Variants in FOXP2 observed in about 807,000 individuals in gnomAD.
FOXP2 encodes the protein forkhead box P2, also known as forkhead box protein P2.
A neutral mutation model predicts 115.8 loss-of-function variants in FOXP2; 12 were observed. That is an observed-to-expected ratio of 0.10 (90% CI 0.07 to 0.17). The LOEUF is 0.17. Among genes scored for constraint, FOXP2 ranks in the 10% least tolerant of loss-of-function variants. The pLI is 1.00. For synonymous variants in FOXP2, 328 were observed against 297.7 expected, an observed-to-expected ratio of 1.10 and a Z score of -1.05; for missense variants, 629 against 843.5, an observed-to-expected ratio of 0.75 and a Z score of 3.15.
chr7:114,566,048 G>C (rs977475843), intron 3 of FOXP2, among the ~76,000 whole-genome samples: 7 of 152,098 alleles, frequency 4.6e-5, no homozygotes, highest in African/African-American at 1.7e-4. Flanking sequence ...GTGTTATCCT[G>C]GCACAACCCA....
At chr7:114,518,095 T>C (rs1798432604) in intron 2 of FOXP2, among the ~76,000 whole-genome samples, 1 of 152,184 alleles carries the variant, frequency 6.6e-6, no homozygotes, top group Admixed American at 6.6e-5. Flanking sequence ...TAAACAAATA[T>C]CATTTTAAAT....
chr7:114,308,786 G>T (rs144610105), intron 2 of FOXP2, among the ~76,000 whole-genome samples: 109 of 152,256 alleles, frequency 7.2e-4, no homozygotes, highest in African/African-American at 2.5e-3. Flanking sequence ...CTGAAAATAT[G>T]ACATAGTTAA....
chr7:114,219,744 C>G (rs1794573249), intron 1 of FOXP2, among the ~76,000 whole-genome samples: 1 of 151,996 alleles, frequency 6.6e-6, no homozygotes, highest in Non-Finnish European at 1.5e-5. Context: ...TAATTTTCGC[C>G]TTTAATCCAT....
At chr7:114,525,030 T>G (rs1242550071) in intron 2 of FOXP2, among the ~76,000 whole-genome samples, 1 of 152,202 alleles carries the variant, frequency 6.6e-6, no homozygotes, top group Non-Finnish European at 1.5e-5. Context: ...AAGATACTCT[T>G]TCTATCCAAT....
At chr7:114,506,439 A>C (rs944458553) in intron 2 of FOXP2, among the ~76,000 whole-genome samples, 2 of 151,682 alleles carry the variant, frequency 1.3e-5, no homozygotes, top group Non-Finnish European at 3.0e-5. Context: ...CATGGAAACT[A>C]AGACAGAAAT....
At position 114,221,979 on chromosome 7, in the gene FOXP2, C is replaced by G. The variant is rs563362739; in HGVS notation, c.-102+58891C>G. 2.6e-5 allele frequency among the ~76,000 whole-genome samples: 4 copies of G among 152,150 alleles called. No homozygotes were observed. In the East Asian group the frequency reaches 7.7e-4, roughly 29 times the overall value. On this transcript the variant is annotated intron_variant, in intron 1 of 17. Transcript: ENST00000634411. ...CAAGGATGTAATATTGACTTCTGAG[C>G]CAGGTAGGAAGGTTTATGGAAGAAG...
chr7:114,693,675 C>T lies in FOXP2; in HGVS notation c.*3749C>T, dbSNP rs188138100. On this transcript the variant is annotated 3_prime_UTR_variant, in exon 17 of 17. Coordinates refer to ENST00000350908, the MANE Select transcript of FOXP2 (RefSeq NM_014491.4). ...TTAATGTATGAACAGTGTGTCACTGCTGTTGGATGTAAAAATGTATATGAA... is the reference window on the plus strand; with the variant it reads ...TTAATGTATGAACAGTGTGTCACTGTTGTTGGATGTAAAAATGTATATGAA... 4.4e-5 allele frequency: 17 copies of T among 382,422 alleles called. No homozygotes were observed. The highest frequency in any genetic ancestry group is 3.3e-4 in the South Asian group (17 of 51,178). The allele number at this position is 382,422 out of a possible 1,614,324, so 23.7% of individuals were successfully genotyped here. A position where few individuals can be genotyped will look rare whatever the true frequency, so the allele number is the denominator to read the frequency against.
At chr7:114,098,449 G>A (rs1207645595) in intron 1 of FOXP2, among the ~76,000 whole-genome samples, 1 of 152,158 alleles carries the variant, frequency 6.6e-6, no homozygotes, top group Non-Finnish European at 1.5e-5. Context: ...TTTTGGAAAG[G>A]ACACCAAGAG....
At chr7:114,241,666 A>C (rs1247997674) in intron 1 of FOXP2, among the ~76,000 whole-genome samples, 2 of 151,958 alleles carry the variant, frequency 1.3e-5, no homozygotes, top group Non-Finnish European at 2.9e-5. Context: ...GGATTATGAG[A>C]ATTTTTTATG....
chr7:114,160,690 T>A (rs952768297), upstream of FOXP2, among the ~76,000 whole-genome samples: 1 of 152,112 alleles, frequency 6.6e-6, no homozygotes, highest in Non-Finnish European at 1.5e-5. Context: ...TTTAGCACAT[T>A]ATATACTATA....
Position 114,642,588 on chromosome 7 carries a change from TG to T in FOXP2, c.956del (p.Gly319AspfsTer6), listed in dbSNP as rs1805596075. ...CAATAACTCATCATTCCATAGTGAA[TG>T]GACAGTCTTCAGTTCTAAGTGCAAG... ...PPITHHSIVNGQSSVLSARRD... is the reference protein window; with the variant it reads ...PPITHHSIVNXQSSVLSARRD... On this transcript the variant is annotated frameshift_variant, in exon 7 of 17. Coordinates refer to ENST00000350908, the MANE Select transcript of FOXP2 (RefSeq NM_014491.4). LOFTEE classifies it high-confidence loss of function. 2 of 1,613,704 alleles carry T rather than the reference TG, an allele frequency of 1.2e-6. No individual in the cohort carries two copies. Among genetic ancestry groups the T allele is most frequent in the African/African-American group, 2.7e-5 (2 of 74,802 alleles).
chr7:114,603,766 A>G (rs752803217), intron 3 of FOXP2, among the ~76,000 whole-genome samples: 8 of 152,214 alleles, frequency 5.3e-5, no homozygotes, highest in Non-Finnish European at 1.0e-4. Context: ...AAATTTTACC[A>G]TGGAAAAGTA....
intron 2 of FOXP2, among the ~76,000 whole-genome samples, chr7:114,327,308 A>G (rs564769793): frequency 6.6e-6 from 1 of 152,326 alleles, no homozygotes; most frequent in Admixed American, 6.5e-5. Context: ...GAATGAATGA[A>G]TGAGTGAATG....
Position 114,242,302 on chromosome 7 carries a change from C to A in FOXP2, c.-101-45717C>A, listed in dbSNP as rs568563503. Among the ~76,000 whole-genome samples, 36 of 152,014 alleles carry A rather than the reference C, an allele frequency of 2.4e-4. 1 individual carries two copies. The East Asian group carries it at 7.0e-3, about 29-fold the overall frequency. On this transcript the variant is annotated intron_variant, in intron 1 of 17. Transcript: ENST00000634411. ...TAGAAGAAAAAATGATGGTCTAATT[C>A]ATAAACTTAGGAAAGTGTGGTACAA... is the stretch of plus-strand genomic sequence containing the variant.
intron 2 of FOXP2, among the ~76,000 whole-genome samples, chr7:114,387,432 C>T (rs1384114990): frequency 6.6e-6 from 1 of 152,172 alleles, no homozygotes; most frequent in Non-Finnish European, 1.5e-5. Context: ...TCAATTCTGA[C>T]TTGTTAAGAA....
At chr7:114,455,675 G>T (rs1291951133) in intron 2 of FOXP2, among the ~76,000 whole-genome samples, 2 of 152,070 alleles carry the variant, frequency 1.3e-5, no homozygotes, top group African/African-American at 2.4e-5. Flanking sequence ...CTGTCTCCTT[G>T]TCCTTACTTT....
intron 2 of FOXP2, among the ~76,000 whole-genome samples, chr7:114,403,431 G>A (rs184572279): frequency 3.9e-5 from 6 of 152,238 alleles, no homozygotes; most frequent in South Asian, 2.1e-4. Flanking sequence ...TAATGTACAC[G>A]AGGTTTAATA....
intron 3 of FOXP2, among the ~76,000 whole-genome samples, chr7:114,581,053 A>C (rs1179201707): frequency 1.4e-5 from 2 of 143,758 alleles, no homozygotes; most frequent in Admixed American, 1.4e-4. Flanking sequence ...GGCCAATAGA[A>C]GATACACTCA....
At chr7:114,558,605 C>CT (rs1562998056) in intron 3 of FOXP2, among the ~76,000 whole-genome samples, 1 of 152,186 alleles carries the variant, frequency 6.6e-6, no homozygotes, top group Non-Finnish European at 1.5e-5. Flanking sequence ...CAGACACCTT[C>CT]AAGCCTTTAT....
Sources: allele counts gnomAD v4.1 joint callset (sites outside exome capture counted in the v4.1 genomes callset), GRCh38; gene constraint gnomAD v4.1.1; transcripts MANE v1.5; gene names NCBI Gene and HGNC (gene_info 2026-07-23, HGNC 2026-07-21).